Variants in ARMC9 observed in about 807,000 individuals in gnomAD.
The protein encoded by ARMC9 is armadillo repeat containing 9.
ARMC9 carries 94 observed loss-of-function variants against 107.0 expected under a neutral mutation model. The observed-to-expected ratio is 0.88, with a 90% confidence interval of 0.74 to 1.04. ARMC9 has a LOEUF of 1.04. ARMC9 is among the 50% of genes least tolerant of loss of function. The pLI is 0.00. For missense variants in ARMC9, 942 were observed against 1,030.1 expected (o/e 0.91, Z 1.17); for synonymous variants, 380 against 396.9 (o/e 0.96, Z 0.51).
chr2:231,211,933 T>C (rs1030120704), intron 3 of ARMC9, among the ~76,000 whole-genome samples: 2 of 152,106 alleles, frequency 1.3e-5, no homozygotes, highest in African/African-American at 4.8e-5. Context: ...GCTCATCCAG[T>C]CAACAGCTGT....
At chr2:231,289,199 A>G (rs1194080017) in intron 17 of ARMC9, among the ~76,000 whole-genome samples, 1 of 152,084 alleles carries the variant, frequency 6.6e-6, no homozygotes, top group Non-Finnish European at 1.5e-5. Context: ...TGGGCACACA[A>G]CTCACACCTG....
intron 7 of ARMC9, among the ~76,000 whole-genome samples, chr2:231,234,013 C>A (rs2035486341): frequency 6.6e-6 from 1 of 152,106 alleles, no homozygotes; most frequent in African/African-American, 2.4e-5. Context: ...AATATTTTAT[C>A]TGTGGTTACC....
In ARMC9 at chr2:231,351,186, C is replaced by T. The variant is rs578021829; in HGVS notation, c.1995-4612C>T. ...GTTAGGATGGTCTCGATCTCCTGAC[C>T]TCGTGATCCGCCTGTCTCGGCCTCC... On this transcript the variant is annotated intron_variant, in intron 21 of 24. Transcript: ENST00000611582. Among the ~76,000 whole-genome samples, 10 of 148,856 alleles carry T rather than the reference C, an allele frequency of 6.7e-5. 1 individual carries two copies. The highest frequency in any genetic ancestry group is 2.2e-4 in the African/African-American group (9 of 40,150).
intron 9 of ARMC9, among the ~76,000 whole-genome samples, chr2:231,252,142 A>G (rs1356306786): frequency 1.3e-5 from 2 of 152,238 alleles, no homozygotes; most frequent in Non-Finnish European, 2.9e-5. Context: ...TAAAAGGTAG[A>G]AAACGTTTTT....
At chr2:231,338,392 A>G (rs747372454) in intron 20 of ARMC9, among the ~76,000 whole-genome samples, 9 of 151,762 alleles carry the variant, frequency 5.9e-5, no homozygotes, top group Non-Finnish European at 1.2e-4. Flanking sequence ...ACGCCTGGCT[A>G]ATTTTGGTAT....
intron 17 of ARMC9, among the ~76,000 whole-genome samples, chr2:231,288,119 A>G (rs1041287267): frequency 6.6e-6 from 1 of 152,226 alleles, no homozygotes; most frequent in Non-Finnish European, 1.5e-5. Context: ...GGAGCTCATA[A>G]TATATTTAGA....
intron 3 of ARMC9, among the ~76,000 whole-genome samples, chr2:231,214,350 G>T (rs1256781769): frequency 6.6e-6 from 1 of 152,224 alleles, no homozygotes; most frequent in Non-Finnish European, 1.5e-5. Context: ...CTAGGCCCAG[G>T]ATTGACTGGG....
intron 21 of ARMC9, among the ~76,000 whole-genome samples, chr2:231,352,603 C>T (rs574570616): frequency 3.9e-4 from 59 of 151,250 alleles, no homozygotes; most frequent in Admixed American, 1.8e-3. Flanking sequence ...GGATTACAGG[C>T]GTGAGCCACC....
chr2:231,218,094 C>T (rs759968871), intron 5 of ARMC9, among the ~76,000 whole-genome samples: 32 of 152,218 alleles, frequency 2.1e-4, no homozygotes, highest in Non-Finnish European at 4.0e-4. Context: ...TTCAGCATCC[C>T]ATTCAGTTGT....
rs936417459 is a variant in ARMC9 at position 231,247,536 on chromosome 2, C to T, written c.879+7495C>T. On this transcript the variant is annotated intron_variant, in intron 9 of 24. Coordinates refer to ENST00000611582, the MANE Select transcript of ARMC9 (RefSeq NM_001352754.2). ...AGGCCATCTTCCTTGGTGCAATGCC[C>T]TGTGTATTGAGGAGTCTCCCAACCA... is the stretch of plus-strand genomic sequence containing the variant. 4.6e-5 allele frequency among the ~76,000 whole-genome samples: 7 copies of T among 152,246 alleles called. No homozygotes were observed. In the South Asian group the frequency reaches 1.0e-3, roughly 22 times the overall value.
intron 9 of ARMC9, among the ~76,000 whole-genome samples, chr2:231,244,018 C>G (rs2036536561): frequency 6.6e-6 from 1 of 152,132 alleles, no homozygotes; most frequent in Admixed American, 6.6e-5. Flanking sequence ...GATCAGCGTC[C>G]TTCATAGAGC....
At position 231,205,367 on chromosome 2, in the gene ARMC9, C is replaced by G. The variant is rs146813436; in HGVS notation, c.-41-831C>G. Among the ~76,000 whole-genome samples the G allele has an allele frequency of 1.1e-3, 165 of 151,922 alleles. 1 individual carries two copies. Among genetic ancestry groups the G allele is most frequent in the African/African-American group, 3.6e-3 (150 of 41,454 alleles). On this transcript the variant is annotated intron_variant, in intron 1 of 24. Transcript: ENST00000611582. ...CCTGGGCAACGGAGTGAGATCCCAT[C>G]TCAAAAAAAAAATTCGATGAGTTCT...
intron 19 of ARMC9, among the ~76,000 whole-genome samples, chr2:231,303,067 T>G (rs1430280939): frequency 6.6e-6 from 1 of 152,248 alleles, no homozygotes; most frequent in African/African-American, 2.4e-5. Flanking sequence ...ATTGATCTAT[T>G]TTGCATTTTG....
intron 15 of ARMC9, among the ~76,000 whole-genome samples, chr2:231,277,359 T>TC (rs1422519308): frequency 6.6e-6 from 1 of 152,152 alleles, no homozygotes; most frequent in Non-Finnish European, 1.5e-5. Context: ...AGGTGCCACC[T>TC]CCAGGCTGTG....
chr2:231,296,414 G>A (rs1356181181), intron 19 of ARMC9, among the ~76,000 whole-genome samples, 161 bp downstream of exon 19: 1 of 152,186 alleles, frequency 6.6e-6, no homozygotes, highest in African/African-American at 2.4e-5. Context: ...GGTGGTTCGG[G>A]TCTCACTTGG....
chr2:231,288,817 A>C, intron 17 of ARMC9: 1 of 421,734 alleles, frequency 2.4e-6, no homozygotes, highest in South Asian at 1.8e-5. Context: ...GTATCACTCC[A>C]GACTTGGGAC....
Position 231,345,096 on chromosome 2 carries a change from T to A in ARMC9, c.1994+6T>A, listed in dbSNP as rs1466584206. ...CACAGAAACGGGTACCCAGTGTAAG[T>A]CAGGGCTAAAGGAAGCGGGAATTGA... On this transcript the variant is annotated splice_donor_region_variant and intron_variant, in intron 21 of 24. Transcript: ENST00000611582. 4 of 1,612,988 alleles carry A rather than the reference T, an allele frequency of 2.5e-6. No homozygotes were observed. The highest frequency in any genetic ancestry group is 3.4e-6 in the Non-Finnish European group (4 of 1,179,740).
intron 20 of ARMC9, among the ~76,000 whole-genome samples, chr2:231,342,122 T>A (rs2044553028): frequency 6.6e-6 from 1 of 152,168 alleles, no homozygotes; most frequent in Admixed American, 6.5e-5. Flanking sequence ...GCTGGGTGGC[T>A]CACACTGCAA....
intron 1 of ARMC9, among the ~76,000 whole-genome samples, chr2:231,203,133 G>A (rs886072284): frequency 6.6e-6 from 1 of 152,066 alleles, no homozygotes; most frequent in Non-Finnish European, 1.5e-5. Flanking sequence ...GCCACCCTTC[G>A]TGTTTCTCTC....
Sources: allele counts gnomAD v4.1 joint callset (sites outside exome capture counted in the v4.1 genomes callset), GRCh38; gene constraint gnomAD v4.1.1; transcripts MANE v1.5; gene names NCBI Gene and HGNC (gene_info 2026-07-23, HGNC 2026-07-21).